Variants in JAK1 observed in about 807,000 individuals in gnomAD.
The protein encoded by JAK1 is Janus kinase 1, also known as tyrosine-protein kinase JAK1.
In JAK1, 16 loss-of-function variants were observed where a neutral mutation model predicts 136.6. The ratio of observed to expected loss-of-function variants is 0.12; its 90% CI spans 0.08 to 0.18. The LOEUF (loss-of-function observed/expected upper bound fraction) is 0.18, where lower values mean the gene tolerates loss of function less well. JAK1 is among the 10% of genes least tolerant of loss of function. The probability of loss-of-function intolerance (pLI) is 1.00; values close to 1 mark genes in which losing one functional copy is unlikely to be tolerated. For missense variants in JAK1, 859 were observed against 1,450.1 expected (o/e 0.59, Z 6.62); for synonymous variants, 492 against 519.5 (o/e 0.95, Z 0.72).
chr1:64,930,673 A>G (rs1195685091), intron 1 of JAK1, among the ~76,000 whole-genome samples: 1 of 152,072 alleles, frequency 6.6e-6, no homozygotes, highest in Non-Finnish European at 1.5e-5. Context: ...ATTATAAATC[A>G]TTCTACTATA....
intron 1 of JAK1, among the ~76,000 whole-genome samples, chr1:64,931,581 A>G (rs1645693771): frequency 6.6e-6 from 1 of 152,060 alleles, no homozygotes; most frequent in Non-Finnish European, 1.5e-5. Flanking sequence ...ACTACGCTCC[A>G]GGGGCATCAT....
Position 64,834,459 on chromosome 1 carries a change from G to C in JAK1, c.*103C>G, listed in dbSNP as rs190906591. ...TATGAGTTCAGTGACTTTTTGGACA[G>C]AACACAAACTTCTTTCATTAGAAAT... On this transcript the variant is annotated 3_prime_UTR_variant, in exon 25 of 25. Coordinates refer to ENST00000342505, the MANE Select transcript of JAK1 (RefSeq NM_002227.4). The C allele has an allele frequency of 4.5e-4, 346 of 769,892 alleles. No homozygotes were observed. The African/African-American group carries it at 5.3e-3, about 12-fold the overall frequency. The allele number at this position is 769,892 out of a possible 1,614,324, so 47.7% of individuals were successfully genotyped here.
rs1654601532 is a variant in JAK1 at position 64,838,038 on chromosome 1, C to G, written c.3034G>C (p.Glu1012Gln). 1.2e-6 allele frequency: 2 copies of G among 1,614,212 alleles called. No individual in the cohort carries two copies. Among genetic ancestry groups the G allele is most frequent in the Non-Finnish European group, 1.7e-6 (2 of 1,180,038 alleles). The change falls in exon 22 of 25, where the codon GAG becomes CAG. Residue 1012 changes from glutamate (E) to glutamine (Q), a missense_variant. By Grantham distance (29) the Glu-to-Gln change is conservative (BLOSUM62 2). Transcript: ENST00000342505. ...RDLAARNVLV[E>Q]SEHQVKIGDF... Reference sequence around the variant, plus strand: ...CCAATTTTCACTTGGTGTTCACTCTCAACAAGGACATTTCTTGCTGCCAAG... The same window carrying G: ...CCAATTTTCACTTGGTGTTCACTCTGAACAAGGACATTTCTTGCTGCCAAG...
chr1:65,051,217 T>C (rs960806603), intron 1 of JAK1, among the ~76,000 whole-genome samples: 2 of 151,684 alleles, frequency 1.3e-5, no homozygotes, highest in Non-Finnish European at 2.9e-5. Context: ...TAGTGAATGA[T>C]GATAAGTGGA....
At chr1:64,890,559 C>A (rs1644919588) in intron 1 of JAK1, among the ~76,000 whole-genome samples, 1 of 152,132 alleles carries the variant, frequency 6.6e-6, no homozygotes. Flanking sequence ...AGGAGAACTG[C>A]TTAAGCCCCA....
At chr1:64,946,799 G>A (rs1294134465) in intron 1 of JAK1, among the ~76,000 whole-genome samples, 1 of 152,084 alleles carries the variant, frequency 6.6e-6, no homozygotes, top group African/African-American at 2.4e-5. Context: ...ACAGTCAAAA[G>A]GTAGAAGCCA....
intron 8 of JAK1, among the ~76,000 whole-genome samples, chr1:64,863,441 G>A (rs1037826429): frequency 3.3e-5 from 5 of 151,648 alleles, no homozygotes; most frequent in East Asian, 3.9e-4. Context: ...CCTCCATTTC[G>A]CATCTTTCCA....
Position 64,985,806 on chromosome 1 carries a change from A to T in JAK1, c.-78+58674T>A, listed in dbSNP as rs940581966. 3 of 631,984 alleles carry T rather than the reference A, an allele frequency of 4.7e-6. No individual in the cohort carries two copies. The African/African-American group carries it at 5.5e-5, about 12-fold the overall frequency. 39.1% of individuals were successfully genotyped at this position (631,984 alleles called of 1,614,324 possible). On this transcript the variant is annotated intron_variant, in intron 2 of 25. Transcript: ENST00000671954. ...GCCACCAGTGGCAGCCAACAGGTTGACAGTAAGCATTGAATTACGCCTGTC... is the reference window on the plus strand; with the variant it reads ...GCCACCAGTGGCAGCCAACAGGTTGTCAGTAAGCATTGAATTACGCCTGTC...
chr1:64,971,868 A>G (rs1646455580), intron 2 of JAK1, among the ~76,000 whole-genome samples: 2 of 152,138 alleles, frequency 1.3e-5, no homozygotes, highest in Non-Finnish European at 1.5e-5. Context: ...CTTATCTATC[A>G]TACTTTTGAT....
In JAK1 at chr1:65,049,934, C is replaced by T. The variant is rs2100856050; in HGVS notation, c.-180-5352G>A. On this transcript the variant is annotated intron_variant, in intron 1 of 25. Coordinates refer to the JAK1 transcript ENST00000671954. The stretch of plus-strand genomic sequence containing the variant: ...GAGAAGTTCCCACAAAAGGTGACAT[C>T]TCCCCCTCCTCCAGTCATCTTTTTA... 1.3e-5 allele frequency among the ~76,000 whole-genome samples: 2 copies of T among 152,268 alleles called. 1 individual carries two copies. Among genetic ancestry groups the T allele is most frequent in the South Asian group, 4.1e-4 (2 of 4,828 alleles).
At chr1:64,883,256 T>C (rs769549436) in intron 3 of JAK1, 21 bp downstream of exon 3, 2 of 1,599,688 alleles carry the variant, frequency 1.3e-6, no homozygotes, top group Non-Finnish European at 1.7e-6. Context: ...CCCCCAGCCC[T>C]GGGCAGCTGC....
chr1:65,033,150 A>G (rs1430933540), intron 2 of JAK1, among the ~76,000 whole-genome samples: 1 of 152,112 alleles, frequency 6.6e-6, no homozygotes, highest in Non-Finnish European at 1.5e-5. Flanking sequence ...GGGATGGCAG[A>G]GGAAATAGCA....
chr1:65,059,332 CTTTTTGTTTTAG>C (rs1647689718), intron 1 of JAK1, among the ~76,000 whole-genome samples: 1 of 152,134 alleles, frequency 6.6e-6, no homozygotes, highest in Non-Finnish European at 1.5e-5. Flanking sequence ...AAAACATTTA[CTTTTTGTTTTAG>C]TTTTCTCAGT....
At position 64,833,869 on chromosome 1, in the gene JAK1, A is replaced by AATTAATT. The variant is rs1654299025; in HGVS notation, c.*692_*693insAATTAAT. 1 of 122,246 alleles carries AATTAATT rather than the reference A, an allele frequency of 8.2e-6. No homozygotes were observed. Among genetic ancestry groups the AATTAATT allele is most frequent in the East Asian group, 8.2e-5 (1 of 12,182 alleles). 7.6% of individuals were successfully genotyped at this position (122,246 alleles called of 1,614,324 possible). ...CACTGGCACAGGCTTAGTTCTTGAG[A>AATTAATT]ATTAACATGCAGCAAATTATCTATT... On this transcript the variant is annotated 3_prime_UTR_variant, in exon 25 of 25. Transcript: ENST00000342505.
intron 1 of JAK1, among the ~76,000 whole-genome samples, chr1:64,927,581 T>C (rs1022526163): frequency 6.6e-6 from 1 of 152,200 alleles, no homozygotes; most frequent in Admixed American, 6.5e-5. Context: ...TTTTACATTA[T>C]AGGTATTTAA....
intron 2 of JAK1, among the ~76,000 whole-genome samples, chr1:65,008,645 C>T (rs1034061218): frequency 1.1e-4 from 17 of 151,260 alleles, no homozygotes; most frequent in Admixed American, 5.3e-4. Flanking sequence ...CCTTCCCCTT[C>T]GCCTTCCTCT....
intron 12 of JAK1, 70 bp downstream of exon 12, chr1:64,850,734 A>G (rs1260997087): frequency 2.0e-6 from 2 of 1,011,984 alleles, no homozygotes; most frequent in Non-Finnish European, 3.1e-6. Context: ...TCCTTCCCCC[A>G]GATCCCCAAG....
In JAK1 at chr1:64,873,436, C is replaced by G; in HGVS notation, c.417G>C (p.Glu139Asp). Residue 139 changes from glutamate to aspartate, a missense_variant, in exon 5 of 25, where the codon GAG becomes GAC. Glu to Asp is a conservative substitution (Grantham distance 45). Around this residue, in one of 4 missense-constraint regions of JAK1, gnomAD observed 353 missense variants for 494.0 expected, o/e 0.71. Coordinates refer to ENST00000342505, the MANE Select transcript of JAK1 (RefSeq NM_002227.4). ...HSPKKQKNGY[E>D]KKKIPDATPL... ...GGGTTGCATCTGGAATCTTTTTTTT[C>G]TCGTAGCCATTTTTCTGCTTCTTTG... 6.2e-7 allele frequency: 1 copy of G among 1,614,114 alleles called. No homozygotes were observed. Among genetic ancestry groups the G allele is most frequent in the Non-Finnish European group, 8.5e-7 (1 of 1,180,004 alleles).
At chr1:64,912,630 T>A (rs1221562092) in intron 1 of JAK1, among the ~76,000 whole-genome samples, 1 of 152,206 alleles carries the variant, frequency 6.6e-6, no homozygotes, top group African/African-American at 2.4e-5. Flanking sequence ...AATTGCCACA[T>A]TAACCCTGTA....
Sources: gnomAD v4.1 joint callset for allele counts (sites outside exome capture counted in the v4.1 genomes callset) on GRCh38, gnomAD v4.1.1 for gene constraint, gnomAD v4.1.1 regional missense constraint, MANE v1.5 for transcripts, NCBI Gene and HGNC (gene_info 2026-07-23, HGNC 2026-07-21) for gene names.